The following DPP6 variants were observed in gnomAD, a reference collection of about 807,000 sequenced individuals.
The protein encoded by DPP6 is dipeptidyl peptidase like 6, also known as A-type potassium channel modulatory protein DPP6.
A neutral mutation model predicts 122.6 loss-of-function variants in DPP6; 69 were observed. The observed-to-expected ratio is 0.56, with a 90% confidence interval of 0.46 to 0.69. The LOEUF (loss-of-function observed/expected upper bound fraction) is 0.69, where lower values mean the gene tolerates loss of function less well. Ranked by LOEUF, DPP6 falls within the 30% of genes least tolerant of loss-of-function variation. The pLI is 0.00. For synonymous variants in DPP6, 418 were observed against 433.1 expected, an observed-to-expected ratio of 0.97 and a Z score of 0.43; for missense variants, 928 against 1,116.9, an observed-to-expected ratio of 0.83 and a Z score of 2.41.
chr7:153,956,950 T>A (rs1383650462), intron 1 of DPP6, among the ~76,000 whole-genome samples: 4 of 152,086 alleles, frequency 2.6e-5, no homozygotes, highest in African/African-American at 9.7e-5. Context: ...TTTAGAGTGT[T>A]AAAAAAAATT....
chr7:154,302,690 TG>T (rs879900879), intron 1 of DPP6, among the ~76,000 whole-genome samples: 5 of 152,216 alleles, frequency 3.3e-5, no homozygotes, highest in Non-Finnish European at 7.3e-5. Context: ...TTTGTTTAGG[TG>T]TAAAAAAATA....
Position 154,755,279 on chromosome 7 carries a change from A to G in DPP6, c.884-14138A>G, listed in dbSNP as rs1446492961. ...TGGGCCTTATAGACAGTGTCACTTG[A>G]TAGGATGTTTTGAGACCCGGACATC... is the stretch of plus-strand genomic sequence containing the variant. On this transcript the variant is annotated intron_variant, in intron 8 of 25. Coordinates refer to ENST00000377770, the MANE Select transcript of DPP6 (RefSeq NM_130797.4). This position sits in a 1 kb window ranked among gnomAD's most constrained non-coding sequence, Gnocchi z 4.7. 6.6e-6 allele frequency among the ~76,000 whole-genome samples: 1 copy of G among 151,852 alleles called. No homozygotes were observed. Among genetic ancestry groups the G allele is most frequent in the Non-Finnish European group, 1.5e-5 (1 of 67,988 alleles).
At chr7:154,000,232 TTCATTTCAAATCAAGATGCTGGAA>T (rs576709872) in intron 1 of DPP6, among the ~76,000 whole-genome samples, 80 of 152,318 alleles carry the variant, frequency 5.3e-4, no homozygotes, top group African/African-American at 1.8e-3. Flanking sequence ...TTTTGACATT[TTCATTTCAAATCAAGATGCTGGAA>T]TAAGGATTCC....
At chr7:154,136,112 C>T (rs1050252104) in intron 1 of DPP6, among the ~76,000 whole-genome samples, 1 of 152,192 alleles carries the variant, frequency 6.6e-6, no homozygotes, top group African/African-American at 2.4e-5. Context: ...TGTGTTTCTC[C>T]AATGCCAGTT....
chr7:154,187,987 G>A (rs568649883), intron 1 of DPP6, among the ~76,000 whole-genome samples: 25 of 152,160 alleles, frequency 1.6e-4, no homozygotes, highest in South Asian at 4.2e-4. Flanking sequence ...CAGTAGAACC[G>A]TCTGAAGGTC....
chr7:153,953,690 T>C (rs1802324835), intron 1 of DPP6, among the ~76,000 whole-genome samples: 1 of 152,228 alleles, frequency 6.6e-6, no homozygotes, highest in Non-Finnish European at 1.5e-5. Flanking sequence ...TGGAGGTTTC[T>C]TGGCTATACT....
chr7:154,635,372 G>C (rs1047865534), intron 5 of DPP6, among the ~76,000 whole-genome samples: 1 of 151,760 alleles, frequency 6.6e-6, no homozygotes, highest in African/African-American at 2.4e-5. Context: ...TTCAGTCTGT[G>C]AGTGGTCCTC....
At chr7:153,974,716 T>G (rs1273563841) in intron 1 of DPP6, among the ~76,000 whole-genome samples, 6 of 152,204 alleles carry the variant, frequency 3.9e-5, no homozygotes, top group Admixed American at 3.9e-4. Context: ...GTTTCACATC[T>G]AGTCTCATTT....
intron 2 of DPP6, among the ~76,000 whole-genome samples, chr7:154,466,678 G>T (rs1035314145): frequency 3.3e-5 from 5 of 152,164 alleles, no homozygotes; most frequent in Non-Finnish European, 7.4e-5. Context: ...GGGGGTTAGG[G>T]TGTCAACATA....
At chr7:154,720,116 A>G (rs958704912) in intron 7 of DPP6, among the ~76,000 whole-genome samples, 1 of 152,192 alleles carries the variant, frequency 6.6e-6, no homozygotes, top group Non-Finnish European at 1.5e-5. Flanking sequence ...GAAGGTTGAG[A>G]GCTGAGCAGA....
At chr7:154,444,532 TATC>T (rs1248109798) in intron 1 of DPP6, among the ~76,000 whole-genome samples, 3 of 152,244 alleles carry the variant, frequency 2.0e-5, no homozygotes, top group African/African-American at 7.2e-5. Flanking sequence ...ACATTAATTT[TATC>T]ATTCTGGTTC....
At chr7:154,740,356 T>C (rs1226692614) in intron 8 of DPP6, among the ~76,000 whole-genome samples, 1 of 152,060 alleles carries the variant, frequency 6.6e-6, no homozygotes, top group African/African-American at 2.4e-5. Flanking sequence ...ATTTGCCCTA[T>C]TATTGAGAGT....
intron 1 of DPP6, among the ~76,000 whole-genome samples, chr7:154,205,596 T>C (rs1230266264): frequency 1.3e-5 from 2 of 152,070 alleles, no homozygotes; most frequent in Admixed American, 1.3e-4. Flanking sequence ...CTTTGAGTGA[T>C]GAGGACCTGA....
At chr7:153,937,473 C>T (rs1442053392) in intron 1 of DPP6, among the ~76,000 whole-genome samples, 1 of 126,960 alleles carries the variant, frequency 7.9e-6, no homozygotes, top group Non-Finnish European at 1.6e-5. Context: ...TTTTTTGAGA[C>T]AGTCTCACTT....
At chr7:154,125,214 T>C (rs1043324163) in intron 1 of DPP6, among the ~76,000 whole-genome samples, 3 of 152,172 alleles carry the variant, frequency 2.0e-5, no homozygotes, top group Admixed American at 6.5e-5. Context: ...CACTCTGCTG[T>C]GTGGACTCAG....
At chr7:154,076,527 A>G (rs1198585722) in intron 1 of DPP6, among the ~76,000 whole-genome samples, 1 of 151,144 alleles carries the variant, frequency 6.6e-6, no homozygotes, top group Admixed American at 6.6e-5. Context: ...GGAAGAGCAG[A>G]TAATACAGAA....
At chr7:153,765,749 CAT>C in the DPP6 span, among the ~76,000 whole-genome samples, 10 of 152,196 alleles carry the variant, frequency 6.6e-5, no homozygotes, top group Non-Finnish European at 1.2e-4. Context: ...CTAAAAAACA[CAT>C]GTCGCCTCAC....
At chr7:154,047,518 A>T (rs1428982391), upstream of DPP6, among the ~76,000 whole-genome samples, 1 of 147,916 alleles carries the variant, frequency 6.8e-6, no homozygotes, top group African/African-American at 2.6e-5. Context: ...AGGGACAAAC[A>T]GAAAGAGAAG....
At chr7:154,469,040 G>A (rs1341795358) in intron 2 of DPP6, among the ~76,000 whole-genome samples, 1 of 152,186 alleles carries the variant, frequency 6.6e-6, no homozygotes, top group Non-Finnish European at 1.5e-5. Flanking sequence ...CTGAACATCT[G>A]TTTGCTGGGC....
Sources: gnomAD v4.1 joint callset for allele counts (sites outside exome capture counted in the v4.1 genomes callset) on GRCh38, gnomAD v4.1.1 for gene constraint, Gnocchi (gnomAD v3.1) non-coding constraint, MANE v1.5 for transcripts, NCBI Gene and HGNC (gene_info 2026-07-23, HGNC 2026-07-21) for gene names.